DLC1: variants seen among roughly 807,000 people sequenced by gnomAD.
DLC1 encodes the protein DLC1 Rho GTPase activating protein.
In DLC1, 54 loss-of-function variants were observed where a neutral mutation model predicts 140.3. That is an observed-to-expected ratio of 0.38 (90% CI 0.31 to 0.48). DLC1 has a LOEUF of 0.48. Ranked by LOEUF, DLC1 falls within the 20% of genes least tolerant of loss-of-function variation. The probability of loss-of-function intolerance (pLI) is 0.96; values close to 1 mark genes in which losing one functional copy is unlikely to be tolerated. For synonymous variants in DLC1, 986 were observed against 728.1 expected, an observed-to-expected ratio of 1.35 and a Z score of -5.70; for missense variants, 2,536 against 1,907.0, an observed-to-expected ratio of 1.33 and a Z score of -6.14.
chr8:13,292,457 A>G (rs1831793654), intron 5 of DLC1, among the ~76,000 whole-genome samples: 1 of 152,210 alleles, frequency 6.6e-6, no homozygotes. Context: ...ATATTACAAA[A>G]TAATGTTTTC....
chr8:13,374,440 C>T (rs1463923528), intron 4 of DLC1, among the ~76,000 whole-genome samples: 7 of 152,050 alleles, frequency 4.6e-5, no homozygotes, highest in African/African-American at 1.4e-4. Context: ...CATTACATGG[C>T]AAGAGAGTGT....
chr8:13,573,453 T>C lies in DLC1; in HGVS notation c.-126+31084A>G, dbSNP rs74397317. On this transcript the variant is annotated intron_variant, in intron 1 of 1. Coordinates refer to the DLC1 transcript ENST00000631382. ...TTTCCAATTTGAATGCCTTTCTATC[T>C]TTGCATAATTGCTATGGCTATCACT... 1.6e-3 allele frequency among the ~76,000 whole-genome samples: 244 copies of C among 152,302 alleles called. 1 individual carries two copies. Among genetic ancestry groups the C allele is most frequent in the African/African-American group, 5.7e-3 (236 of 41,564 alleles).
At chr8:13,402,617 C>T (rs752850192) in intron 2 of DLC1, among the ~76,000 whole-genome samples, 1 of 152,140 alleles carries the variant, frequency 6.6e-6, no homozygotes, top group Non-Finnish European at 1.5e-5. Context: ...GTGAAATCAG[C>T]TTTAAAAGGA....
chr8:13,220,593 TA>T (rs1828495306), intron 5 of DLC1, among the ~76,000 whole-genome samples: 1 of 152,162 alleles, frequency 6.6e-6, no homozygotes, highest in Admixed American at 6.5e-5. Context: ...CCTGTGCCTT[TA>T]AGAAAAGAAG....
At chr8:13,564,759 A>C (rs1413532141) in intron 1 of DLC1, among the ~76,000 whole-genome samples, 2 of 152,190 alleles carry the variant, frequency 1.3e-5, no homozygotes, top group African/African-American at 2.4e-5. Flanking sequence ...TTAAGGAAAA[A>C]GCTGGGAGAA....
intron 2 of DLC1, among the ~76,000 whole-genome samples, chr8:13,481,011 G>A (rs73555499): frequency 1.8e-3 from 280 of 152,318 alleles, no homozygotes; most frequent in African/African-American, 6.2e-3. Flanking sequence ...TTAAGAAAAT[G>A]TAGCAGTAAT....
intron 5 of DLC1, among the ~76,000 whole-genome samples, chr8:13,206,651 C>G (rs956521985): frequency 6.6e-6 from 1 of 151,912 alleles, no homozygotes; most frequent in African/African-American, 2.4e-5. Context: ...GCTATTTTAG[C>G]AAAAAGTTAA....
chr8:13,399,067 G>A (rs914140872), intron 3 of DLC1, among the ~76,000 whole-genome samples: 3 of 152,172 alleles, frequency 2.0e-5, no homozygotes, highest in Admixed American at 6.5e-5. Context: ...CCAATCAAAG[G>A]TGGTACAGTG....
chr8:13,308,875 G>C (rs1199176033), intron 4 of DLC1, among the ~76,000 whole-genome samples: 1 of 152,118 alleles, frequency 6.6e-6, no homozygotes, highest in Non-Finnish European at 1.5e-5. Context: ...TCTGAGAAGG[G>C]ACCTGGATAG....
At chr8:13,375,625 G>C (rs1835942584) in intron 4 of DLC1, among the ~76,000 whole-genome samples, 3 of 152,224 alleles carry the variant, frequency 2.0e-5, no homozygotes, top group Middle Eastern at 3.4e-3. Context: ...TGCCCATTCA[G>C]TATGATATTG....
At chr8:13,219,662 T>A (rs995405437) in intron 5 of DLC1, among the ~76,000 whole-genome samples, 2 of 151,914 alleles carry the variant, frequency 1.3e-5, no homozygotes, top group Non-Finnish European at 2.9e-5. Flanking sequence ...TATATCTATA[T>A]CTATATCTCC....
At chr8:13,494,194 G>A (rs992972) in intron 2 of DLC1, among the ~76,000 whole-genome samples, 139,840 of 152,284 alleles carry the variant, frequency 0.92, 64,748 homozygotes, top group Non-Finnish European at 0.97. Context: ...CTTTCACAAC[G>A]TGTCATGATA....
At chr8:13,352,096 C>A (rs1472989325) in intron 4 of DLC1, among the ~76,000 whole-genome samples, 2 of 152,094 alleles carry the variant, frequency 1.3e-5, no homozygotes, top group Non-Finnish European at 2.9e-5. Context: ...TAAAATGTAG[C>A]TTTTGGGGGT....
intron 1 of DLC1, among the ~76,000 whole-genome samples, chr8:13,594,782 T>G (rs1032732914): frequency 6.6e-6 from 1 of 152,054 alleles, no homozygotes; most frequent in Non-Finnish European, 1.5e-5. Flanking sequence ...TGGAGATTGT[T>G]GCAGAGGTTT....
chr8:13,444,882 A>ATTAC (rs1798705353), intron 2 of DLC1, among the ~76,000 whole-genome samples: 1 of 152,250 alleles, frequency 6.6e-6, no homozygotes, highest in Non-Finnish European at 1.5e-5. Context: ...AAAAAAGTGT[A>ATTAC]AGTGTTAAAA....
chr8:13,552,056 C>CAT (rs1205274450), intron 1 of DLC1, among the ~76,000 whole-genome samples: 71 of 116,708 alleles, frequency 6.1e-4, no homozygotes, highest in East Asian at 2.0e-3. Context: ...TATATATACA[C>CAT]ATATATATAT....
chr8:13,434,019 C>A (rs1291351535), intron 2 of DLC1, among the ~76,000 whole-genome samples: 5 of 152,124 alleles, frequency 3.3e-5, no homozygotes, highest in Non-Finnish European at 7.3e-5. Context: ...CCATGCCCGG[C>A]TAATTTTGTT....
At chr8:13,249,718 T>A (rs981859619) in intron 5 of DLC1, among the ~76,000 whole-genome samples, 11 of 152,326 alleles carry the variant, frequency 7.2e-5, no homozygotes, top group Admixed American at 3.9e-4. Context: ...CCATCCTGAT[T>A]AAGAAACAAC....
At chr8:13,287,070 G>A (rs961178677) in intron 5 of DLC1, among the ~76,000 whole-genome samples, 5 of 152,022 alleles carry the variant, frequency 3.3e-5, no homozygotes, top group African/African-American at 9.7e-5. Context: ...GGAGACTCTC[G>A]TTAATAAATT....
Sources: gnomAD v4.1 joint callset for allele counts (sites outside exome capture counted in the v4.1 genomes callset) on GRCh38, gnomAD v4.1.1 for gene constraint, MANE v1.5 for transcripts, NCBI Gene and HGNC (gene_info 2026-07-23, HGNC 2026-07-21) for gene names.